Variants in HECW2 observed in about 807,000 individuals in gnomAD.
The protein encoded by HECW2 is E3 ubiquitin-protein ligase HECW2.
A neutral mutation model predicts 175.2 loss-of-function variants in HECW2; 61 were observed. The ratio of observed to expected loss-of-function variants is 0.35; its 90% CI spans 0.28 to 0.43. HECW2 has a LOEUF of 0.43. Ranked by LOEUF, HECW2 falls within the 20% of genes least tolerant of loss-of-function variation. The pLI is 1.00. For missense variants in HECW2, 1,524 were observed against 2,000.5 expected, an observed-to-expected ratio of 0.76 and a Z score of 4.54; for synonymous variants, 671 against 731.0, an observed-to-expected ratio of 0.92 and a Z score of 1.32.
intron 2 of HECW2, among the ~76,000 whole-genome samples, chr2:196,415,893 A>G (rs1209293250): frequency 6.6e-6 from 1 of 152,250 alleles, no homozygotes; most frequent in East Asian, 1.9e-4. Context: ...GGAGTTGAAG[A>G]TTAACAAAAG....
At chr2:196,563,040 T>G (rs1690060275) in intron 1 of HECW2, among the ~76,000 whole-genome samples, 1 of 151,856 alleles carries the variant, frequency 6.6e-6, no homozygotes, top group South Asian at 2.1e-4. Context: ...TCTCAAAAAT[T>G]AGAGAAAAGT....
rs770000181 is a variant in HECW2 at position 196,334,528 on chromosome 2, A to C, written c.401-10T>G. The C allele has an allele frequency of 6.4e-7, 1 of 1,570,624 alleles. No individual in the cohort carries two copies. On this transcript the variant is annotated splice_polypyrimidine_tract_variant and intron_variant, in intron 3 of 28. Transcript: ENST00000644978. ...CAGATTTTTATCTCCGCTGCAAAGC[A>C]ATTGGAGAAAACAGTAATTTAAACA...
rs71012909 is a variant in HECW2 at position 196,404,819 on chromosome 2, C to CT, written c.292+28312dup. On this transcript the variant is annotated intron_variant, in intron 2 of 28. Coordinates refer to ENST00000644978, the MANE Select transcript of HECW2 (RefSeq NM_001348768.2). ...TTTCTTTTTTTTTCTTTTTTCTTCT[C>CT]TTTTTTTTTTTTTTTTTTTTTTTGA... is the stretch of plus-strand genomic sequence containing the variant. Among the ~76,000 whole-genome samples the CT allele has an allele frequency of 1.4e-3, 112 of 80,352 alleles. 2 individuals are homozygous for CT. The highest frequency in any genetic ancestry group is 4.1e-3 in the African/African-American group (76 of 18,578). The allele number at this position is 80,352 out of a possible 152,430, so 52.7% of individuals were successfully genotyped here.
intron 16 of HECW2, among the ~76,000 whole-genome samples, chr2:196,271,885 T>A (rs146122232): frequency 1.3e-5 from 2 of 152,248 alleles, no homozygotes; most frequent in Admixed American, 6.5e-5. Flanking sequence ...TAACCTTTTA[T>A]ATGATTATTG....
chr2:196,308,860 GAT>G (rs1439567955), intron 10 of HECW2, among the ~76,000 whole-genome samples: 2 of 152,198 alleles, frequency 1.3e-5, no homozygotes, highest in African/African-American at 2.4e-5. Context: ...AGCATGAGCT[GAT>G]CTTTTCAAAA....
At chr2:196,585,016 A>T (rs951032302) in intron 1 of HECW2, among the ~76,000 whole-genome samples, 6 of 152,230 alleles carry the variant, frequency 3.9e-5, no homozygotes, top group Admixed American at 1.3e-4. Context: ...ACTCTCTAAT[A>T]AAAAAAATTC....
chr2:196,459,407 G>A (rs146752362), intron 1 of HECW2, among the ~76,000 whole-genome samples: 89 of 152,136 alleles, frequency 5.9e-4, no homozygotes, highest in African/African-American at 2.0e-3. Flanking sequence ...ACTGGAGAGT[G>A]GTTTAAAAAT....
At chr2:196,384,333 C>G (rs1694288992) in intron 2 of HECW2, among the ~76,000 whole-genome samples, 1 of 152,070 alleles carries the variant, frequency 6.6e-6, no homozygotes, top group Non-Finnish European at 1.5e-5. Context: ...GTAATTCCAA[C>G]ACTTTGGGAG....
intron 1 of HECW2, among the ~76,000 whole-genome samples, chr2:196,521,040 G>T (rs1466067264): frequency 2.0e-5 from 3 of 152,140 alleles, no homozygotes; most frequent in Non-Finnish European, 4.4e-5. Context: ...GGTGGGTTCA[G>T]ATCAGGAGAA....
chr2:196,475,870 G>A (rs948001026), intron 1 of HECW2, among the ~76,000 whole-genome samples: 163 of 152,264 alleles, frequency 1.1e-3, no homozygotes, highest in African/African-American at 3.8e-3. Context: ...CAAACTGGGT[G>A]TTGCTACAGG....
At chr2:196,479,214 C>T (rs1686764828) in intron 1 of HECW2, among the ~76,000 whole-genome samples, 1 of 152,226 alleles carries the variant, frequency 6.6e-6, no homozygotes, top group Admixed American at 6.5e-5. Flanking sequence ...TTCTCCTTCT[C>T]TCCCAAAAGG....
At chr2:196,526,047 C>G (rs1244134728) in intron 1 of HECW2, among the ~76,000 whole-genome samples, 1 of 69,474 alleles carries the variant, frequency 1.4e-5, no homozygotes, top group East Asian at 3.2e-4. Context: ...TGGGGAAGTT[C>G]TCCTGGATAA....
rs147452520 is a variant in HECW2 at position 196,364,373 on chromosome 2, T to C, written c.293-20609A>G. The stretch of plus-strand genomic sequence containing the variant: ...GTAGGGCCACAGCAGTTGATGAATG[T>C]TGGAGCTTCAATTTCAAGCCATCAC... On this transcript the variant is annotated intron_variant, in intron 2 of 28. Coordinates refer to ENST00000644978, the MANE Select transcript of HECW2 (RefSeq NM_001348768.2). 5.4e-3 allele frequency among the ~76,000 whole-genome samples: 819 copies of C among 152,286 alleles called. 8 individuals carry two copies. The highest frequency in any genetic ancestry group is 0.02 in the Middle Eastern group (6 of 294).
intron 21 of HECW2, among the ~76,000 whole-genome samples, chr2:196,235,099 T>C (rs1688191643): frequency 4.0e-5 from 1 of 25,302 alleles, no homozygotes; most frequent in Non-Finnish European, 2.9e-4. Context: ...ATTATTTTTG[T>C]ATTTTTTTTT....
chr2:196,319,076 G>C lies in HECW2; in HGVS notation c.1814C>G (p.Ser605Cys), dbSNP rs1691828749. Reference protein sequence around the residue: ...VSETESLDQGSEPSQVSSETE... With the variant: ...VSETESLDQGCEPSQVSSETE... ...TTCAGAGGACACCTGGGAAGGCTCA[G>C]AGCCCTGATCGAGAGACTCGGTCTC... is the stretch of plus-strand genomic sequence containing the variant. Residue 605 changes from serine (S) to cysteine (C), a missense_variant, in exon 9 of 29, where the codon TCT (serine) becomes TGT (cysteine). Ser to Cys is a moderately radical substitution (Grantham distance 112). Around this residue, in one of 11 missense-constraint regions of HECW2, gnomAD observed 604 missense variants for 588.3 expected, o/e 1.03. Transcript: ENST00000644978. 1.9e-6 allele frequency: 3 copies of C among 1,609,784 alleles called. No homozygotes were observed. The highest frequency in any genetic ancestry group is 2.5e-6 in the Non-Finnish European group (3 of 1,178,016).
intron 1 of HECW2, among the ~76,000 whole-genome samples, chr2:196,480,878 T>C (rs1686820362): frequency 6.6e-6 from 1 of 152,240 alleles, no homozygotes; most frequent in African/African-American, 2.4e-5. Context: ...TGAGTTACTG[T>C]ACATGAGACA....
At chr2:196,232,445 G>A (rs1382321420) in intron 21 of HECW2, among the ~76,000 whole-genome samples, 1 of 152,134 alleles carries the variant, frequency 6.6e-6, no homozygotes, top group East Asian at 1.9e-4. Context: ...TACACAGTGG[G>A]GGCTCAATAT....
intron 1 of HECW2, among the ~76,000 whole-genome samples, chr2:196,527,040 A>G: frequency 6.6e-6 from 1 of 152,162 alleles, no homozygotes; most frequent in Non-Finnish European, 1.5e-5. Flanking sequence ...TGTTTACCTA[A>G]GCAAGCCTGG....
intron 13 of HECW2, among the ~76,000 whole-genome samples, chr2:196,300,344 G>A (rs981912518): frequency 6.6e-6 from 1 of 152,132 alleles, no homozygotes; most frequent in South Asian, 2.1e-4. Context: ...CTTTACTTAA[G>A]GTCCAGACTT....
Sources: gnomAD v4.1 joint callset for allele counts (sites outside exome capture counted in the v4.1 genomes callset) on GRCh38, gnomAD v4.1.1 for gene constraint, gnomAD v4.1.1 regional missense constraint, MANE v1.5 for transcripts, NCBI Gene and HGNC (gene_info 2026-07-23, HGNC 2026-07-21) for gene names.